PADI4: variants seen among roughly 807,000 people sequenced by gnomAD.
PADI4 encodes the protein protein-arginine deiminase type-4.
A neutral mutation model predicts 75.0 loss-of-function variants in PADI4; 62 were observed. That is an observed-to-expected ratio of 0.83 (90% CI 0.67 to 1.02). PADI4 has a LOEUF of 1.02. PADI4 is among the 50% of genes least tolerant of loss of function. The pLI, the probability that PADI4 is intolerant of heterozygous loss-of-function variation, is 0.00. For missense variants in PADI4, 845 were observed against 850.5 expected, an observed-to-expected ratio of 0.99 and a Z score of 0.08; for synonymous variants, 361 against 348.1, an observed-to-expected ratio of 1.04 and a Z score of -0.41.
chr1:17,329,105 TTAAGA>T (rs2074163913), intron 1 of PADI4, among the ~76,000 whole-genome samples: 1 of 150,442 alleles, frequency 6.6e-6, no homozygotes, highest in Non-Finnish European at 1.5e-5. Flanking sequence ...AATATCTTTA[TTAAGA>T]TATTTTTTGT....
intron 10 of PADI4, among the ~76,000 whole-genome samples, chr1:17,352,463 T>C (rs1298569048): frequency 6.6e-6 from 1 of 152,054 alleles, no homozygotes; most frequent in Non-Finnish European, 1.5e-5. Context: ...CTATGTGTTG[T>C]TGAGTAAAGA....
intron 1 of PADI4, among the ~76,000 whole-genome samples, chr1:17,317,845 A>C (rs971105918): frequency 6.6e-6 from 1 of 151,832 alleles, no homozygotes; most frequent in Non-Finnish European, 1.5e-5. Context: ...ACATACTGAG[A>C]CTCTCATCTC....
At chr1:17,349,130 G>A (rs973480559) in intron 10 of PADI4, among the ~76,000 whole-genome samples, 1 of 152,210 alleles carries the variant, frequency 6.6e-6, no homozygotes, top group African/African-American at 2.4e-5. Context: ...CAGCCATGGG[G>A]TCGAGTTCAT....
chr1:17,340,768 A>T (rs576677719), intron 6 of PADI4, among the ~76,000 whole-genome samples: 5 of 143,654 alleles, frequency 3.5e-5, no homozygotes, highest in Non-Finnish European at 7.6e-5. Context: ...GATCCTGATC[A>T]TTCTGCCTGG....
Position 17,363,777 on chromosome 1 carries a change from C to A in PADI4, c.*22C>A. 1 of 1,545,576 alleles carries A rather than the reference C, an allele frequency of 6.5e-7. No individual in the cohort carries two copies. Among genetic ancestry groups the A allele is most frequent in the Non-Finnish European group, 8.9e-7 (1 of 1,118,328 alleles). On this transcript the variant is annotated 3_prime_UTR_variant, in exon 16 of 16. Transcript: ENST00000375448. ...CTGAGCCCATCTTCCCTGGCGTCCT[C>A]TCCCTCCTGGCCAGATGTCGCTGGG... is the stretch of plus-strand genomic sequence containing the variant.
At chr1:17,312,644 A>AT (rs2100649042) in intron 1 of PADI4, among the ~76,000 whole-genome samples, 1 of 152,298 alleles carries the variant, frequency 6.6e-6, no homozygotes, top group South Asian at 2.1e-4. Flanking sequence ...ATTGTCACAA[A>AT]TGATAAACAT....
At chr1:17,341,850 C>A (rs545504057) in intron 6 of PADI4, 93 bp from the exon 7 acceptor site, 3 of 934,352 alleles carry the variant, frequency 3.2e-6, no homozygotes, top group Admixed American at 2.4e-5. Flanking sequence ...CATGTGGTGA[C>A]CCTGGGAAAG....
At chr1:17,332,603 C>T (rs151215409) in intron 2 of PADI4, among the ~76,000 whole-genome samples, 13 of 152,246 alleles carry the variant, frequency 8.5e-5, no homozygotes, top group East Asian at 5.8e-4. Flanking sequence ...GAAATCACAT[C>T]GACAAGTTCC....
chr1:17,345,144 C>A (rs1277769299), intron 8 of PADI4, among the ~76,000 whole-genome samples: 1 of 152,218 alleles, frequency 6.6e-6, no homozygotes, highest in Non-Finnish European at 1.5e-5. Context: ...AGTCAAAGAT[C>A]ATTTTGGAGC....
At chr1:17,352,227 AAGAGATG>A (rs2074674655) in intron 10 of PADI4, among the ~76,000 whole-genome samples, 3 of 136,352 alleles carry the variant, frequency 2.2e-5, no homozygotes, top group African/African-American at 3.2e-5. Flanking sequence ...GTGGTCAGGG[AAGAGATG>A]GGAGGTGGTA....
rs554858360 is a variant in PADI4 at position 17,357,229 on chromosome 1, G to A, written c.1558+770G>A. ...ATTGCCCAGGCTGGAGTGCAATGGC[G>A]CGATCTCGACTCTCTGCAGCCTCTG... On this transcript the variant is annotated intron_variant, in intron 13 of 15. Coordinates refer to ENST00000375448, the MANE Select transcript of PADI4 (RefSeq NM_012387.3). Among the ~76,000 whole-genome samples the A allele has an allele frequency of 1.2e-4, 19 of 152,242 alleles. No homozygotes were observed. In the South Asian group the frequency reaches 2.1e-3, roughly 17 times the overall value.
At chr1:17,353,663 T>TA in intron 10 of PADI4, among the ~76,000 whole-genome samples, 1 of 152,136 alleles carries the variant, frequency 6.6e-6, no homozygotes, top group Non-Finnish European at 1.5e-5. Context: ...CCTTATATGG[T>TA]AAAAGGGACT....
chr1:17,353,708 G>T (rs2074709166), intron 10 of PADI4, among the ~76,000 whole-genome samples: 1 of 152,158 alleles, frequency 6.6e-6, no homozygotes, highest in Non-Finnish European at 1.5e-5. Flanking sequence ...ATCTTGTGAT[G>T]GGGTGATTAT....
chr1:17,347,121 G>C (rs968034578), intron 9 of PADI4, among the ~76,000 whole-genome samples: 4 of 151,948 alleles, frequency 2.6e-5, no homozygotes, highest in African/African-American at 4.8e-5. Context: ...ATTTTTAGTA[G>C]AGATGGGGTT....
At chr1:17,316,963 G>A (rs536836937) in intron 1 of PADI4, among the ~76,000 whole-genome samples, 20 of 152,190 alleles carry the variant, frequency 1.3e-4, no homozygotes, top group Non-Finnish European at 1.9e-4. Context: ...ATGTTCAGCC[G>A]ATGAGACAGT....
At chr1:17,350,937 A>G (rs1455128884) in intron 10 of PADI4, among the ~76,000 whole-genome samples, 1 of 127,316 alleles carries the variant, frequency 7.9e-6, no homozygotes, top group African/African-American at 2.5e-5. Context: ...CTGTAATCCT[A>G]GCACTTTGGA....
chr1:17,330,065 T>C (rs1338642769), intron 1 of PADI4, among the ~76,000 whole-genome samples: 1 of 152,248 alleles, frequency 6.6e-6, no homozygotes, highest in Non-Finnish European at 1.5e-5. Context: ...TGATGCTTTG[T>C]ACATGCACAA....
At chr1:17,315,981 G>T (rs1263227235) in intron 1 of PADI4, among the ~76,000 whole-genome samples, 2 of 151,656 alleles carry the variant, frequency 1.3e-5, no homozygotes, top group Non-Finnish European at 2.9e-5. Context: ...CTCCTCTCTC[G>T]GCCCCTATCC....
intron 1 of PADI4, among the ~76,000 whole-genome samples, chr1:17,312,841 G>A (rs1288351182): frequency 1.3e-5 from 2 of 151,038 alleles, no homozygotes; most frequent in African/African-American, 2.4e-5. Flanking sequence ...GGCAAATTGT[G>A]AGGGAGATAT....
Sources: gnomAD v4.1 joint callset for allele counts (sites outside exome capture counted in the v4.1 genomes callset) on GRCh38, gnomAD v4.1.1 for gene constraint, MANE v1.5 for transcripts, NCBI Gene and HGNC (gene_info 2026-07-23, HGNC 2026-07-21) for gene names.